ZRANB3: variants seen among roughly 807,000 people sequenced by gnomAD.
The protein encoded by ZRANB3 is DNA annealing helicase and endonuclease ZRANB3.
ZRANB3 carries 125 observed loss-of-function variants against 133.8 expected under a neutral mutation model. That is an observed-to-expected ratio of 0.93 (90% confidence interval 0.81 to 1.08). ZRANB3 has a LOEUF of 1.08. ZRANB3 is among the 50% of genes least tolerant of loss of function. The pLI is 0.00. For synonymous variants in ZRANB3, 387 were observed against 432.7 expected, an observed-to-expected ratio of 0.89 and a Z score of 1.31; for missense variants, 1,229 against 1,275.5, an observed-to-expected ratio of 0.96 and a Z score of 0.56.
chr2:135,380,294 AGCTCT>A (rs1395150178), intron 3 of ZRANB3, among the ~76,000 whole-genome samples: 10 of 152,226 alleles, frequency 6.6e-5, no homozygotes, highest in Non-Finnish European at 1.5e-5. Flanking sequence ...ACTTGAAGAC[AGCTCT>A]GCACCAAGCG....
intron 2 of ZRANB3, among the ~76,000 whole-genome samples, chr2:135,502,845 T>A (rs1388872897): frequency 6.6e-6 from 1 of 152,196 alleles, no homozygotes; most frequent in Non-Finnish European, 1.5e-5. Context: ...AAGATGCAGG[T>A]GTAAGGTGAA....
At position 135,334,842 on chromosome 2, in the gene ZRANB3, C is replaced by T. The variant is rs184911665; in HGVS notation, c.677+10708G>A. 6.7e-4 allele frequency among the ~76,000 whole-genome samples: 102 copies of T among 152,228 alleles called. 1 individual carries two copies. In the South Asian group the frequency reaches 0.011, roughly 16 times the overall value. Reference sequence around the variant, plus strand: ...CCTGGGAGGCGGAGGTTGCAGTGTGCTGAGATCGCACCACTGCACTCCAGC... The same window carrying T: ...CCTGGGAGGCGGAGGTTGCAGTGTGTTGAGATCGCACCACTGCACTCCAGC... On this transcript the variant is annotated intron_variant, in intron 6 of 20. Transcript: ENST00000264159.
At chr2:135,384,361 CA>C (rs2104917063) in intron 3 of ZRANB3, among the ~76,000 whole-genome samples, 2 of 152,230 alleles carry the variant, frequency 1.3e-5, no homozygotes, top group South Asian at 4.1e-4. Flanking sequence ...AATAGATTAA[CA>C]ACCAAAAAAA....
chr2:135,347,112 T>C (rs1384324703), intron 5 of ZRANB3, among the ~76,000 whole-genome samples: 1 of 152,218 alleles, frequency 6.6e-6, no homozygotes, highest in African/African-American at 2.4e-5. Flanking sequence ...GTAACACATA[T>C]AGTATTTTCA....
At chr2:135,380,308 C>A (rs141548612) in intron 3 of ZRANB3, among the ~76,000 whole-genome samples, 6,738 of 152,158 alleles carry the variant, frequency 0.044, 501 homozygotes, top group African/African-American at 0.16. Context: ...CTGCACCAAG[C>A]GGACCTAATA....
rs555864698 is a variant in ZRANB3, at chr2:135,292,884, T to G, written c.967-17129A>C. On this transcript the variant is annotated intron_variant, in intron 8 of 20. Coordinates refer to ENST00000264159, the MANE Select transcript of ZRANB3 (RefSeq NM_032143.4). ...CCCCATTGCTTGTTTTTCTCAGGTT[T>G]GTCAAAGATCAGATAGCTGTAGATA... Among the ~76,000 whole-genome samples the G allele has an allele frequency of 2.9e-3, 436 of 152,036 alleles. 2 individuals are homozygous for G. The highest frequency in any genetic ancestry group is 9.9e-3 in the African/African-American group (408 of 41,356).
chr2:135,390,902 C>T (rs1687201538), intron 2 of ZRANB3, 82 bp from the exon 3 acceptor site: 8 of 1,398,262 alleles, frequency 5.7e-6, no homozygotes, highest in Non-Finnish European at 6.6e-6. Flanking sequence ...CGCTCTGTCA[C>T]CAGGCTGGAG....
chr2:135,482,045 CGT>C (rs1415331662), intron 2 of ZRANB3, among the ~76,000 whole-genome samples: 4 of 136,704 alleles, frequency 2.9e-5, no homozygotes, highest in South Asian at 4.7e-4. Context: ...GAAGTCAGGT[CGT>C]GTGATGCCTC....
intron 4 of ZRANB3, among the ~76,000 whole-genome samples, chr2:135,352,816 A>C (rs1291397101): frequency 1.3e-5 from 2 of 152,102 alleles, no homozygotes; most frequent in African/African-American, 2.4e-5. Flanking sequence ...CAGAGACATA[A>C]TTTGTATGAA....
intron 3 of ZRANB3, among the ~76,000 whole-genome samples, chr2:135,357,672 A>G (rs1685499046): frequency 6.6e-6 from 1 of 152,170 alleles, no homozygotes; most frequent in African/African-American, 2.4e-5. Context: ...TCAGCCTCCC[A>G]AAGTGCTGGG....
intron 2 of ZRANB3, among the ~76,000 whole-genome samples, chr2:135,451,236 A>T (rs1484012366): frequency 6.6e-6 from 1 of 152,126 alleles, no homozygotes; most frequent in Non-Finnish European, 1.5e-5. Context: ...TCCAACACTA[A>T]CATGGAAATA....
intron 1 of ZRANB3, among the ~76,000 whole-genome samples, chr2:135,510,340 A>AT (rs1191182101): frequency 6.6e-6 from 1 of 152,210 alleles, no homozygotes; most frequent in Non-Finnish European, 1.5e-5. Context: ...ATTCCACAAA[A>AT]TTGGAAGTGA....
At chr2:135,326,715 C>T (rs1355324640) in intron 6 of ZRANB3, among the ~76,000 whole-genome samples, 1 of 151,830 alleles carries the variant, frequency 6.6e-6, no homozygotes, top group Non-Finnish European at 1.5e-5. Context: ...TCCTGGCCAA[C>T]ACGGTGAAAC....
chr2:135,517,206 T>C (rs1377158878), intron 1 of ZRANB3, among the ~76,000 whole-genome samples: 1 of 152,068 alleles, frequency 6.6e-6, no homozygotes, highest in East Asian at 1.9e-4. Context: ...CTTCCCTGCA[T>C]TGGGGTAGAA....
At chr2:135,331,245 G>T (rs1159556059) in intron 6 of ZRANB3, among the ~76,000 whole-genome samples, 4 of 152,166 alleles carry the variant, frequency 2.6e-5, no homozygotes, top group African/African-American at 9.7e-5. Flanking sequence ...GTGTCCCAGA[G>T]ATTCTGGTAC....
At chr2:135,365,340 A>G (rs1685879434) in intron 3 of ZRANB3, among the ~76,000 whole-genome samples, 1 of 152,214 alleles carries the variant, frequency 6.6e-6, no homozygotes, top group Non-Finnish European at 1.5e-5. Context: ...TTTTATAGAA[A>G]AAGACTAATT....
intron 2 of ZRANB3, among the ~76,000 whole-genome samples, chr2:135,470,403 A>G (rs1453943806): frequency 6.6e-6 from 1 of 151,672 alleles, no homozygotes; most frequent in East Asian, 2.0e-4. Flanking sequence ...AAACTGAAGC[A>G]GGCCAGGAGC....
rs202125924 is a variant in ZRANB3, at chr2:135,207,659, C to T, written c.2784G>A (p.Ala928=). 20 of 1,613,978 alleles carry T rather than the reference C, an allele frequency of 1.2e-5. No homozygotes were observed. The highest frequency in any genetic ancestry group is 5.3e-5 in the African/African-American group (4 of 75,046). Reference sequence around the variant, plus strand: ...AGCAAAACCGTGAATCCCAAGAGTTCGCTTTACATGCTTGCTTAGTCTGGC... The same window carrying T: ...AGCAAAACCGTGAATCCCAAGAGTTTGCTTTACATGCTTGCTTAGTCTGGC... ...PTCQTKQACK[A]NSWDSRFCSL... Residue 928 remains alanine, a synonymous_variant, in exon 19 of 21, where the codon GCG becomes GCA. Coordinates refer to ENST00000264159, the MANE Select transcript of ZRANB3 (RefSeq NM_032143.4).
At chr2:135,405,806 G>C (rs1160511447) in intron 2 of ZRANB3, among the ~76,000 whole-genome samples, 1 of 152,140 alleles carries the variant, frequency 6.6e-6, no homozygotes, top group Non-Finnish European at 1.5e-5. Flanking sequence ...GAATCTCTGG[G>C]ACACATTCAA....
Sources: gnomAD v4.1 joint callset for allele counts (sites outside exome capture counted in the v4.1 genomes callset) on GRCh38, gnomAD v4.1.1 for gene constraint, MANE v1.5 for transcripts, NCBI Gene and HGNC (gene_info 2026-07-23, HGNC 2026-07-21) for gene names.